The following SHANK2 variants were observed in gnomAD, a reference collection of about 807,000 sequenced individuals.
The protein encoded by SHANK2 is SH3 and multiple ankyrin repeat domains 2.
A neutral mutation model predicts 133.7 loss-of-function variants in SHANK2; 43 were observed. The ratio of observed to expected loss-of-function variants is 0.32; its 90% confidence interval spans 0.25 to 0.41. The LOEUF (loss-of-function observed/expected upper bound fraction) is 0.41. Ranked by LOEUF, SHANK2 falls within the 10% of genes least tolerant of loss-of-function variation. The pLI is 1.00. For missense variants in SHANK2, 1,994 were observed against 2,235.8 expected (o/e 0.89, Z 2.18); for synonymous variants, 1,017 against 952.8 (o/e 1.07, Z -1.24).
intron 15 of SHANK2, chr11:70,669,189 T>A (rs569563713): frequency 6.6e-6 from 1 of 152,284 alleles, no homozygotes; most frequent in South Asian, 2.1e-4. Flanking sequence ...GCCATCAGCG[T>A]GAACACTGTC....
At chr11:70,764,294 C>G (rs369552441) in intron 14 of SHANK2, among the ~76,000 whole-genome samples, 1 of 149,436 alleles carries the variant, frequency 6.7e-6, no homozygotes, top group African/African-American at 2.5e-5. Context: ...TCCATTCACA[C>G]ATCATTCCAT....
chr11:70,515,181 C>G (rs2135899129), intron 17 of SHANK2, among the ~76,000 whole-genome samples: 1 of 152,266 alleles, frequency 6.6e-6, no homozygotes, highest in Admixed American at 6.5e-5. Context: ...GCTGAGACCA[C>G]AGATGCATGT....
At chr11:70,654,953 G>C (rs1047146772) in intron 17 of SHANK2, among the ~76,000 whole-genome samples, 2 of 152,044 alleles carry the variant, frequency 1.3e-5, no homozygotes, top group African/African-American at 2.4e-5. Flanking sequence ...ATTTTTAGTA[G>C]AGACGGGGTT....
At chr11:70,715,275 G>T (rs896589513) in intron 14 of SHANK2, among the ~76,000 whole-genome samples, 2 of 152,326 alleles carry the variant, frequency 1.3e-5, no homozygotes, top group South Asian at 2.1e-4. Context: ...TGTGCCCAGG[G>T]TCACCCAGCC....
Position 71,092,433 on chromosome 11 carries a change from C to T in SHANK2, c.901G>A (p.Glu301Lys), listed in dbSNP as rs932669770. 5 of 1,551,148 alleles carry T rather than the reference C, an allele frequency of 3.2e-6. No individual in the cohort carries two copies. Among genetic ancestry groups the T allele is most frequent in the South Asian group, 2.4e-5 (2 of 84,034 alleles). Residue 301 changes from glutamate (E) to lysine (K), a missense_variant, in exon 8 of 26, where the codon GAG becomes AAG. Transcript: ENST00000601538. ...GCGGGCCCACGTACCTGGTGGATCT[C>T]GTGCCAGCCGTTCTCATCTTTGCAG... ...VCCKDENGWH[E>K]IHQACRYGHV... is the part of the protein sequence containing the mutation.
chr11:71,072,758 A>G (rs1951159730), intron 9 of SHANK2, among the ~76,000 whole-genome samples: 1 of 152,192 alleles, frequency 6.6e-6, no homozygotes, highest in Non-Finnish European at 1.5e-5. Context: ...AGCGTGGACA[A>G]ACCTCGAAAA....
chr11:70,743,486 T>C (rs1946576444), intron 14 of SHANK2, among the ~76,000 whole-genome samples: 1 of 152,220 alleles, frequency 6.6e-6, no homozygotes, highest in Admixed American at 6.5e-5. Flanking sequence ...AACACTTCTG[T>C]TGTTTGAGCC....
At chr11:71,216,101 G>A (rs1232173418) in intron 2 of SHANK2, among the ~76,000 whole-genome samples, 2 of 152,086 alleles carry the variant, frequency 1.3e-5, no homozygotes, top group Non-Finnish European at 2.9e-5. Context: ...ACTCCACACG[G>A]CCCAGCAGCT....
Position 70,486,703 on chromosome 11 carries a change from C to T in SHANK2, c.3590G>A (p.Gly1197Asp), listed in dbSNP as rs782355465. Residue 1197 changes from glycine (G) to aspartate (D), a missense_variant, in exon 25 of 26, where the codon GGC becomes GAC. Physicochemically the swap from Gly to Asp is moderately conservative, Grantham distance 94 (BLOSUM62 -1). Transcript: ENST00000601538. This position sits in a 1 kb window ranked among gnomAD's most constrained non-coding sequence, Gnocchi z 8.0. The stretch of plus-strand genomic sequence containing the variant: ...GAGTGGGTGGACATAATTCCCGGGG[C>T]CGGCTGTGCCGCTGCTCGCGGAGGG... ...AVPSASSGTAGPGNYVHPLTG... is the reference protein window; with the variant it reads ...AVPSASSGTADPGNYVHPLTG... 1.2e-6 allele frequency: 2 copies of T among 1,610,410 alleles called. No homozygotes were observed. Among genetic ancestry groups the T allele is most frequent in the African/African-American group, 1.3e-5 (1 of 74,922 alleles).
In SHANK2 at chr11:70,508,727, CA is replaced by C. The variant is rs2059163889; in HGVS notation, c.2062-5797del. ...GCAACATAGTGAGACCCCATTTCTA[CA>C]AAAAATACAAGTTAGCCAGGTGTAC... On this transcript the variant is annotated intron_variant, in intron 17 of 25. Coordinates refer to ENST00000601538, the MANE Select transcript of SHANK2 (RefSeq NM_012309.5). Among the ~76,000 whole-genome samples, 7 of 152,188 alleles carry C rather than the reference CA, an allele frequency of 4.6e-5. No homozygotes were observed. The South Asian group carries it at 1.5e-3, about 32-fold the overall frequency.
intron 11 of SHANK2, among the ~76,000 whole-genome samples, chr11:70,877,617 C>G (rs1949590178): frequency 6.6e-6 from 1 of 152,106 alleles, no homozygotes. Flanking sequence ...TACCAAGGGC[C>G]TGATAGAGGG....
intron 17 of SHANK2, among the ~76,000 whole-genome samples, chr11:70,645,582 C>T (rs964774422): frequency 5.9e-5 from 9 of 152,208 alleles, no homozygotes; most frequent in Middle Eastern, 3.2e-3. Flanking sequence ...TGACCCCACA[C>T]GGGTGCTGCC....
At chr11:70,778,202 C>T (rs1947406038) in intron 14 of SHANK2, among the ~76,000 whole-genome samples, 1 of 152,194 alleles carries the variant, frequency 6.6e-6, no homozygotes, top group Non-Finnish European at 1.5e-5. Context: ...GAATCCAGGT[C>T]AAACCCCCAG....
intron 15 of SHANK2, among the ~76,000 whole-genome samples, chr11:70,681,945 T>C (rs1555018494): frequency 1.3e-5 from 2 of 152,020 alleles, no homozygotes; most frequent in African/African-American, 4.8e-5. Context: ...CTGGGCATGC[T>C]CGGGGTGAAA....
At chr11:70,615,469 A>G (rs2060726059) in intron 17 of SHANK2, among the ~76,000 whole-genome samples, 1 of 152,132 alleles carries the variant, frequency 6.6e-6, no homozygotes, top group African/African-American at 2.4e-5. Flanking sequence ...TCAACACTTT[A>G]GTCCAAAAGT....
At chr11:71,131,809 T>C (rs73523006) in intron 3 of SHANK2, among the ~76,000 whole-genome samples, 8,718 of 152,284 alleles carry the variant, frequency 0.057, 765 homozygotes, top group African/African-American at 0.2. Flanking sequence ...ACTTACTATG[T>C]GCCCATAGCC....
intron 10 of SHANK2, among the ~76,000 whole-genome samples, chr11:70,898,280 ACG>A (rs1185901887): frequency 1.8e-5 from 2 of 110,838 alleles, no homozygotes; most frequent in African/African-American, 3.6e-5. Context: ...ATATACACAC[ACG>A]CACACACACA....
Position 70,485,426 on chromosome 11 carries a change from C to G in SHANK2, c.4867G>C (p.Val1623Leu). ...AGGATAGAGTTCAATTCACTAATAA[C>G]GTTTGCCTTTGGGCCTGAGAGAATC... ...SPILSGPKANVISELNSILQQ... is the reference protein window; with the variant it reads ...SPILSGPKANLISELNSILQQ... The change falls in exon 25 of 26, where the codon GTT (valine) becomes CTT (leucine). Residue 1623 changes from valine (V) to leucine (L), a missense_variant. Physicochemically the swap from Val to Leu is conservative, Grantham distance 32 (BLOSUM62 1). Coordinates refer to ENST00000601538, the MANE Select transcript of SHANK2 (RefSeq NM_012309.5). The surrounding 1 kb of genome is among the most constrained non-coding windows in gnomAD (Gnocchi z 5.8). The G allele has an allele frequency of 6.2e-7, 1 of 1,614,052 alleles. No individual in the cohort carries two copies. Among genetic ancestry groups the G allele is most frequent in the South Asian group, 1.1e-5 (1 of 91,084 alleles).
intron 14 of SHANK2, among the ~76,000 whole-genome samples, chr11:70,747,822 G>T (rs1363946922): frequency 1.3e-5 from 2 of 152,232 alleles, no homozygotes; most frequent in East Asian, 3.8e-4. Flanking sequence ...GTCCACGTGT[G>T]CATGCATGCT....
Sources: allele counts gnomAD v4.1 joint callset (sites outside exome capture counted in the v4.1 genomes callset), GRCh38; gene constraint gnomAD v4.1.1; non-coding constraint Gnocchi (gnomAD v3.1); transcripts MANE v1.5; gene names NCBI Gene and HGNC (gene_info 2026-07-23, HGNC 2026-07-21).